The following IPO5 variants were observed in gnomAD, a reference collection of about 807,000 sequenced individuals.
IPO5 encodes the protein importin 5.
A neutral mutation model predicts 143.3 loss-of-function variants in IPO5; 18 were observed. That is an observed-to-expected ratio of 0.13 (90% CI 0.09 to 0.19). IPO5 has a LOEUF of 0.19. IPO5 is among the 10% of genes least tolerant of loss of function. The probability of loss-of-function intolerance (pLI) is 1.00; values close to 1 mark genes in which losing one functional copy is unlikely to be tolerated. For missense variants in IPO5, 1,013 were observed against 1,336.9 expected, an observed-to-expected ratio of 0.76 and a Z score of 3.78; for synonymous variants, 477 against 465.7, an observed-to-expected ratio of 1.02 and a Z score of -0.31.
At chr13:98,014,317 AC>A in intron 22 of IPO5, 103 bp downstream of exon 22, 1 of 831,768 alleles carries the variant, frequency 1.2e-6, no homozygotes, top group Middle Eastern at 3.0e-4. Flanking sequence ...TTGCTCTGTC[AC>A]CCAGGCTGGA....
chr13:97,995,599 G>A (rs1042581925), intron 11 of IPO5, among the ~76,000 whole-genome samples: 2 of 150,852 alleles, frequency 1.3e-5, no homozygotes, highest in African/African-American at 4.9e-5. Flanking sequence ...ACTAAAAAAT[G>A]CAAAAAATTA....
In IPO5 at chr13:98,017,403, G is replaced by T. The variant is rs373284013; in HGVS notation, c.2616+552G>T. On this transcript the variant is annotated intron_variant, in intron 25 of 28. Transcript: ENST00000651721. ...GCTGGAGTGCAGTGGTGCAATCTCG[G>T]CTCACTGCAACCTCCGCCTTCTGGG... 2.0e-5 allele frequency among the ~76,000 whole-genome samples: 3 copies of T among 151,812 alleles called. No individual in the cohort carries two copies. In the East Asian group the frequency reaches 5.8e-4, roughly 29 times the overall value.
At chr13:98,019,991 C>A in intron 27 of IPO5, 182 bp downstream of exon 27, 1 of 492,032 alleles carries the variant, frequency 2.0e-6, no homozygotes, top group East Asian at 3.1e-5. Context: ...TTAACATTGC[C>A]CTTATAATAA....
At chr13:97,975,167 G>C (rs1245989661) in intron 3 of IPO5, among the ~76,000 whole-genome samples, 2 of 150,420 alleles carry the variant, frequency 1.3e-5, no homozygotes, top group African/African-American at 2.4e-5. Context: ...GTCCCTTTGG[G>C]GCAGAAATGA....
intron 18 of IPO5, among the ~76,000 whole-genome samples, chr13:98,008,394 A>T (rs1889439574): frequency 1.3e-5 from 2 of 151,686 alleles, no homozygotes; most frequent in African/African-American, 4.8e-5. Context: ...CTCTCTTCTC[A>T]CTCCTGTGGA....
intron 25 of IPO5, among the ~76,000 whole-genome samples, chr13:98,017,444 C>T (rs868750405): frequency 1.3e-5 from 2 of 151,882 alleles, no homozygotes; most frequent in African/African-American, 4.8e-5. Flanking sequence ...GCAATTCAGA[C>T]GCACGCCACC....
chr13:97,972,508 G>A (rs939621847), intron 3 of IPO5, among the ~76,000 whole-genome samples: 1 of 152,206 alleles, frequency 6.6e-6, no homozygotes. Context: ...AGTAGCAGTT[G>A]AGAGAGACTT....
intron 11 of IPO5, among the ~76,000 whole-genome samples, chr13:97,994,407 A>G (rs904454799): frequency 2.0e-5 from 3 of 152,254 alleles, no homozygotes; most frequent in African/African-American, 7.2e-5. Context: ...CTGCTAATCA[A>G]AGGGTTAAGC....
Position 98,019,792 on chromosome 13 carries a change from G to T in IPO5, c.3048G>T (p.Leu1016=). The T allele has an allele frequency of 6.2e-7, 1 of 1,609,770 alleles. No individual in the cohort carries two copies. The highest frequency in any genetic ancestry group is 8.5e-7 in the Non-Finnish European group (1 of 1,176,098). ...KEEAVQTFNY[L]CDLIESNHPI... ...AAGCTGTTCAGACTTTCAATTATCT[G>T]TGTGACCTGATTGAAAGGTAGGAAA... Residue 1016 remains leucine (L), a synonymous_variant, in exon 27 of 29, where the codon CTG becomes CTT. Transcript: ENST00000651721.
At chr13:97,973,857 C>T (rs549150690) in intron 3 of IPO5, among the ~76,000 whole-genome samples, 1 of 152,224 alleles carries the variant, frequency 6.6e-6, no homozygotes, top group South Asian at 2.1e-4. Flanking sequence ...ATCGCCCGAA[C>T]TCAGGAGTTT....
rs189039711 is a variant in IPO5 at position 98,022,552 on chromosome 13, C to A, written c.*730C>A. The A allele has an allele frequency of 2.6e-5, 4 of 152,434 alleles. No individual in the cohort carries two copies. The East Asian group carries it at 5.8e-4, about 22-fold the overall frequency. The allele number at this position is 152,434 out of a possible 1,614,324, so 9.4% of individuals were successfully genotyped here. ...TTCATGTTTTTAATATAAGAATGAT[C>A]TAATATTTTTTTAAAGTAATAGCTA... On this transcript the variant is annotated 3_prime_UTR_variant, in exon 29 of 29. Coordinates refer to ENST00000651721, the MANE Select transcript of IPO5 (RefSeq NM_002271.6).
chr13:97,995,483 C>T (rs532432745), intron 11 of IPO5, among the ~76,000 whole-genome samples: 93 of 151,908 alleles, frequency 6.1e-4, no homozygotes, highest in African/African-American at 1.9e-3. Context: ...AGGCCGGGCG[C>T]GGTGGCTCAC....
intron 20 of IPO5, among the ~76,000 whole-genome samples, chr13:98,011,277 T>TTTTG (rs375613970): frequency 5.7e-4 from 87 of 152,106 alleles, no homozygotes; most frequent in South Asian, 4.4e-3. Flanking sequence ...TTGGGGTTTT[T>TTTTG]TTTGTTTGTT....
intron 15 of IPO5, 31 bp from the exon 16 acceptor site, chr13:98,002,833 A>G (rs960883079): frequency 3.1e-6 from 5 of 1,601,816 alleles, no homozygotes; most frequent in African/African-American, 2.7e-5. Context: ...GGACATTTCA[A>G]CATGTGTGCC....
At chr13:97,980,002 G>A in intron 4 of IPO5, 1 of 455,098 alleles carries the variant, frequency 2.2e-6, no homozygotes, top group Non-Finnish European at 4.4e-6. Flanking sequence ...TTTCTTCTTC[G>A]TGGGCAGGGA....
At chr13:97,955,333 T>C (rs1016252915) in intron 2 of IPO5, among the ~76,000 whole-genome samples, 1 of 152,164 alleles carries the variant, frequency 6.6e-6, no homozygotes, top group Admixed American at 6.5e-5. Flanking sequence ...GCTGAGTTCA[T>C]ATACTCTTGT....
At chr13:98,016,525 G>A (rs1337831333) in intron 24 of IPO5, among the ~76,000 whole-genome samples, 8 of 152,080 alleles carry the variant, frequency 5.3e-5, no homozygotes, top group African/African-American at 9.7e-5. Flanking sequence ...TTTGTCTTTC[G>A]AGGTAAGACT....
At chr13:97,974,041 C>T (rs1886052480) in intron 3 of IPO5, among the ~76,000 whole-genome samples, 1 of 152,070 alleles carries the variant, frequency 6.6e-6, no homozygotes, top group African/African-American at 2.4e-5. Context: ...CCACCCTGGG[C>T]AACAGAGTGA....
At chr13:97,984,367 C>G (rs1187660285) in intron 5 of IPO5, among the ~76,000 whole-genome samples, 3 of 152,132 alleles carry the variant, frequency 2.0e-5, no homozygotes, top group Non-Finnish European at 4.4e-5. Context: ...GCCAAGAATA[C>G]TGAATTTTTT....
Sources: gnomAD v4.1 joint callset for allele counts (sites outside exome capture counted in the v4.1 genomes callset) on GRCh38, gnomAD v4.1.1 for gene constraint, MANE v1.5 for transcripts, NCBI Gene and HGNC (gene_info 2026-07-23, HGNC 2026-07-21) for gene names.